Variants in LRRFIP1 observed in about 807,000 individuals in gnomAD.
LRRFIP1 encodes the protein LRR binding FLII interacting protein 1, also known as leucine-rich repeat flightless-interacting protein 1.
A neutral mutation model predicts 104.4 loss-of-function variants in LRRFIP1; 62 were observed. That is an observed-to-expected ratio of 0.59 (90% CI 0.48 to 0.73). The LOEUF (loss-of-function observed/expected upper bound fraction) is 0.73, where lower values mean the gene tolerates loss of function less well. Ranked by LOEUF, LRRFIP1 falls within the 30% of genes least tolerant of loss-of-function variation. The pLI is 0.00. For synonymous variants in LRRFIP1, 300 were observed against 299.0 expected, an observed-to-expected ratio of 1.00 and a Z score of -0.03; for missense variants, 796 against 824.5, an observed-to-expected ratio of 0.97 and a Z score of 0.42.
chr2:237,692,536 C>T (rs1179047180), intron 1 of LRRFIP1: 1 of 1,504,642 alleles, frequency 6.6e-7, no homozygotes, highest in African/African-American at 1.4e-5. Flanking sequence ...GAGGAAAGCG[C>T]TTCCGAAACT....
At chr2:237,689,918 C>A (rs751186088) in intron 1 of LRRFIP1, among the ~76,000 whole-genome samples, 1 of 152,242 alleles carries the variant, frequency 6.6e-6, no homozygotes, top group Non-Finnish European at 1.5e-5. Context: ...GGTCCTCACC[C>A]TCACAGCGGG....
chr2:237,667,774 C>G (rs150716800), intron 1 of LRRFIP1, among the ~76,000 whole-genome samples: 48 of 152,236 alleles, frequency 3.2e-4, no homozygotes, highest in African/African-American at 1.1e-3. Flanking sequence ...AATGGCCTAA[C>G]CAGGGTGGAG....
intron 1 of LRRFIP1, among the ~76,000 whole-genome samples, chr2:237,686,381 T>C (rs190508586): frequency 1.1e-4 from 17 of 152,256 alleles, no homozygotes; most frequent in Non-Finnish European, 2.2e-4. Flanking sequence ...ATGTCATTTT[T>C]AAAAGAGTTT....
At chr2:237,730,092 T>C (rs2094933711) in intron 8 of LRRFIP1, among the ~76,000 whole-genome samples, 1 of 152,196 alleles carries the variant, frequency 6.6e-6, no homozygotes, top group East Asian at 1.9e-4. Flanking sequence ...CTGGCTGCAA[T>C]GAAAGGACGT....
At chr2:237,709,681 C>A (rs953818448) in intron 2 of LRRFIP1, among the ~76,000 whole-genome samples, 2 of 152,074 alleles carry the variant, frequency 1.3e-5, no homozygotes, top group African/African-American at 4.8e-5. Flanking sequence ...CATTGCCCTC[C>A]GCTGCTAGGA....
At chr2:237,716,545 G>A (rs913079887) in intron 3 of LRRFIP1, among the ~76,000 whole-genome samples, 4 of 152,068 alleles carry the variant, frequency 2.6e-5, no homozygotes, top group Non-Finnish European at 5.9e-5. Context: ...AAATCTGGCC[G>A]CCCTTCGAAA....
intron 1 of LRRFIP1, among the ~76,000 whole-genome samples, chr2:237,648,364 T>C (rs2085319533): frequency 6.6e-6 from 1 of 151,960 alleles, no homozygotes; most frequent in South Asian, 2.1e-4. Flanking sequence ...TGTTCTTTGC[T>C]GAAATTATGT....
At chr2:237,673,291 G>C (rs946435994) in intron 1 of LRRFIP1, among the ~76,000 whole-genome samples, 1 of 152,244 alleles carries the variant, frequency 6.6e-6, no homozygotes, top group Non-Finnish European at 1.5e-5. Context: ...CGGGGACAGC[G>C]CTGGGAGGGC....
intron 7 of LRRFIP1, among the ~76,000 whole-genome samples, chr2:237,726,555 G>A (rs76718200): frequency 0.013 from 2,020 of 152,226 alleles, 27 homozygotes; most frequent in African/African-American, 0.045. Context: ...TAATCCTCAC[G>A]ATGGCTTTGT....
In LRRFIP1 at chr2:237,763,339, T is replaced by C. The variant is rs759085091; in HGVS notation, c.1459+3134T>C. On this transcript the variant is annotated intron_variant, in intron 19 of 23. Transcript: ENST00000308482. ...GTCCAAGTACAGTAGACACTCAAAA[T>C]GAACCCTTAGATATGAAAGAGCCCG... 2.5e-6 allele frequency: 4 copies of C among 1,613,930 alleles called. No homozygotes were observed. In the South Asian group the frequency reaches 4.4e-5, roughly 18 times the overall value.
chr2:237,628,137 C>G (rs1410661046), intron 1 of LRRFIP1, among the ~76,000 whole-genome samples: 2 of 152,176 alleles, frequency 1.3e-5, no homozygotes, highest in East Asian at 3.9e-4. Context: ...GGCTTAGGCC[C>G]GACCTGGAGG....
At chr2:237,659,599 T>G (rs1575212624) in intron 1 of LRRFIP1, among the ~76,000 whole-genome samples, 1 of 148,264 alleles carries the variant, frequency 6.7e-6, no homozygotes, top group Non-Finnish European at 1.5e-5. Flanking sequence ...TATATATGTT[T>G]ATAATATATT....
chr2:237,669,254 C>T (rs1484675254), intron 1 of LRRFIP1, among the ~76,000 whole-genome samples: 1 of 152,180 alleles, frequency 6.6e-6, no homozygotes, highest in Non-Finnish European at 1.5e-5. Context: ...AACCCCAAAC[C>T]TACAAACACG....
At chr2:237,667,306 T>C (rs914300922) in intron 1 of LRRFIP1, among the ~76,000 whole-genome samples, 51 of 152,154 alleles carry the variant, frequency 3.4e-4, no homozygotes, top group Non-Finnish European at 1.5e-4. Flanking sequence ...TCAGAGAACA[T>C]GTTGGTTTTC....
At chr2:237,637,632 C>T (rs1328049718) in intron 1 of LRRFIP1, among the ~76,000 whole-genome samples, 2 of 152,166 alleles carry the variant, frequency 1.3e-5, no homozygotes, top group African/African-American at 4.8e-5. Flanking sequence ...ACTCTTGGAT[C>T]AGCAAGTCTC....
chr2:237,701,054 C>T (rs1227863674), intron 1 of LRRFIP1, among the ~76,000 whole-genome samples: 4 of 152,190 alleles, frequency 2.6e-5, no homozygotes, highest in African/African-American at 7.2e-5. Flanking sequence ...TGTAATTCTA[C>T]ACTAGGCTGG....
In LRRFIP1 at chr2:237,766,794, G is replaced by A. The variant is rs1433154954; in HGVS notation, c.1460-3149G>A. Among the ~76,000 whole-genome samples the A allele has an allele frequency of 6.6e-6, 1 of 152,228 alleles. No individual in the cohort carries two copies. Among genetic ancestry groups the A allele is most frequent in the East Asian group, 1.9e-4 (1 of 5,196 alleles). On this transcript the variant is annotated intron_variant, in intron 19 of 23. Coordinates refer to ENST00000308482, the MANE Select transcript of LRRFIP1 (RefSeq NM_001137550.2). The surrounding 1 kb of genome is among the most constrained non-coding windows in gnomAD (Gnocchi z 4.8). ...GATGATTTCAGAGCCTTCATTCTGA[G>A]CATCAGTTATATGCTCTCCAGTGTA... is the stretch of plus-strand genomic sequence containing the variant.
chr2:237,638,888 C>T (rs1253250508), intron 1 of LRRFIP1, among the ~76,000 whole-genome samples: 3 of 152,136 alleles, frequency 2.0e-5, no homozygotes, highest in Non-Finnish European at 2.9e-5. Flanking sequence ...CTGGACTGAT[C>T]GATGGACTGA....
At chr2:237,771,551 TCCC>T (rs772060776) in intron 20 of LRRFIP1, among the ~76,000 whole-genome samples, 1,583 of 49,968 alleles carry the variant, frequency 0.032, 23 homozygotes, top group African/African-American at 0.12. Flanking sequence ...CTGGAACCAA[TCCC>T]CCCCCCCCCC....
Sources: gnomAD v4.1 joint callset for allele counts (sites outside exome capture counted in the v4.1 genomes callset) on GRCh38, gnomAD v4.1.1 for gene constraint, Gnocchi (gnomAD v3.1) non-coding constraint, MANE v1.5 for transcripts, NCBI Gene and HGNC (gene_info 2026-07-23, HGNC 2026-07-21) for gene names.